CNTNAP5: variants seen among roughly 807,000 people sequenced by gnomAD.
CNTNAP5 encodes the protein contactin associated protein family member 5.
A neutral mutation model predicts 150.2 loss-of-function variants in CNTNAP5; 72 were observed. That is an observed-to-expected ratio of 0.48 (90% CI 0.40 to 0.58). CNTNAP5 has a LOEUF of 0.58. Ranked by LOEUF, CNTNAP5 falls within the 20% of genes least tolerant of loss-of-function variation. The pLI is 0.00. For synonymous variants in CNTNAP5, 672 were observed against 619.8 expected, an observed-to-expected ratio of 1.08 and a Z score of -1.25; for missense variants, 1,636 against 1,626.2, an observed-to-expected ratio of 1.01 and a Z score of -0.10.
At chr2:124,383,100 C>T (rs1035318839) in intron 3 of CNTNAP5, among the ~76,000 whole-genome samples, 1 of 152,152 alleles carries the variant, frequency 6.6e-6, no homozygotes, top group Admixed American at 6.5e-5. Flanking sequence ...CCCCACATTC[C>T]TGTGCCAAGA....
chr2:124,377,150 T>C (rs1420404934), intron 3 of CNTNAP5, among the ~76,000 whole-genome samples: 1 of 152,144 alleles, frequency 6.6e-6, no homozygotes, highest in Non-Finnish European at 1.5e-5. Flanking sequence ...TGGATGAGAA[T>C]GCAGTAGACA....
At chr2:124,323,057 T>C (rs541077350) in intron 3 of CNTNAP5, among the ~76,000 whole-genome samples, 1 of 152,240 alleles carries the variant, frequency 6.6e-6, no homozygotes, top group East Asian at 1.9e-4. Context: ...AACTCCGAGA[T>C]TAAGGCACCA....
chr2:124,771,859 G>A (rs945092653), intron 16 of CNTNAP5, among the ~76,000 whole-genome samples: 1 of 150,436 alleles, frequency 6.6e-6, no homozygotes, highest in African/African-American at 2.5e-5. Flanking sequence ...CACTGCCAGT[G>A]CCATCACTAC....
chr2:124,362,673 C>A (rs1364152292), intron 3 of CNTNAP5, among the ~76,000 whole-genome samples: 2 of 152,126 alleles, frequency 1.3e-5, no homozygotes, highest in Non-Finnish European at 2.9e-5. Context: ...TCTCCCTGTA[C>A]CTTTCTGTCA....
Position 124,916,005 on chromosome 2 carries a change from G to A in CNTNAP5, c.*1717G>A, listed in dbSNP as rs1258410052. 6.6e-6 allele frequency among the ~76,000 whole-genome samples: 1 copy of A among 152,072 alleles called. No individual in the cohort carries two copies. Among genetic ancestry groups the A allele is most frequent in the African/African-American group, 2.4e-5 (1 of 41,436 alleles). On this transcript the variant is annotated 3_prime_UTR_variant, in exon 24 of 24. Coordinates refer to ENST00000682447, the MANE Select transcript of CNTNAP5 (RefSeq NM_001367498.1). ...TGACAGTTAGCAGACATTCCAACTT[G>A]TGCTTAGGGTACACTGTCTCTCGCC...
At chr2:124,100,090 C>A (rs1486006885) in intron 1 of CNTNAP5, among the ~76,000 whole-genome samples, 1 of 152,146 alleles carries the variant, frequency 6.6e-6, no homozygotes, top group Non-Finnish European at 1.5e-5. Context: ...CGTTATGCAG[C>A]TTCTGCTTTT....
At chr2:124,045,664 C>T (rs1264198178) in intron 1 of CNTNAP5, among the ~76,000 whole-genome samples, 1 of 152,144 alleles carries the variant, frequency 6.6e-6, no homozygotes, top group Non-Finnish European at 1.5e-5. Context: ...TCTTAACACC[C>T]TCCGATTTTA....
intron 3 of CNTNAP5, among the ~76,000 whole-genome samples, chr2:124,278,982 T>A (rs1367524069): frequency 6.6e-6 from 1 of 152,188 alleles, no homozygotes; most frequent in Non-Finnish European, 1.5e-5. Flanking sequence ...GTTCGATATT[T>A]ACTGAACACT....
At chr2:124,219,274 G>T (rs1001831998) in intron 1 of CNTNAP5, among the ~76,000 whole-genome samples, 2 of 151,914 alleles carry the variant, frequency 1.3e-5, no homozygotes, top group Non-Finnish European at 2.9e-5. Flanking sequence ...GGAGAAGTAG[G>T]GTTAGGAGTA....
chr2:124,281,771 A>T (rs913854578), intron 3 of CNTNAP5, among the ~76,000 whole-genome samples: 1 of 152,122 alleles, frequency 6.6e-6, no homozygotes, highest in Non-Finnish European at 1.5e-5. Flanking sequence ...CTGACCGACT[A>T]CGGAAGCCGG....
At chr2:124,687,558 G>A (rs72845894) in intron 13 of CNTNAP5, among the ~76,000 whole-genome samples, 3,244 of 151,808 alleles carry the variant, frequency 0.021, 45 homozygotes, top group Middle Eastern at 0.037. Context: ...TTGAGTGCTT[G>A]GAGAATATTG....
intron 12 of CNTNAP5, among the ~76,000 whole-genome samples, chr2:124,616,796 C>G (rs1677501462): frequency 6.6e-6 from 1 of 152,014 alleles, no homozygotes; most frequent in South Asian, 2.1e-4. Context: ...TGATATTGTT[C>G]CATCTCAGGG....
At chr2:124,321,197 T>G (rs1689090481) in intron 3 of CNTNAP5, among the ~76,000 whole-genome samples, 1 of 152,070 alleles carries the variant, frequency 6.6e-6, no homozygotes, top group Admixed American at 6.5e-5. Flanking sequence ...ATCCCAGCAC[T>G]TTGAGAGGCC....
chr2:124,257,710 T>C (rs780931780), intron 3 of CNTNAP5, among the ~76,000 whole-genome samples: 7 of 152,086 alleles, frequency 4.6e-5, no homozygotes, highest in African/African-American at 9.7e-5. Context: ...CTAGATTTGG[T>C]TATAATCCAC....
chr2:124,713,353 T>C (rs1217366141), intron 13 of CNTNAP5, among the ~76,000 whole-genome samples: 3 of 137,990 alleles, frequency 2.2e-5, no homozygotes, highest in Non-Finnish European at 4.7e-5. Flanking sequence ...CTTTCTTTCT[T>C]TCTTTCTTTC....
chr2:124,651,614 C>T (rs922047372), intron 13 of CNTNAP5, among the ~76,000 whole-genome samples: 1 of 152,168 alleles, frequency 6.6e-6, no homozygotes, highest in African/African-American at 2.4e-5. Flanking sequence ...GAAGTCAGAG[C>T]AAAAGTGCTA....
chr2:124,067,411 C>T (rs1682187878), intron 1 of CNTNAP5, among the ~76,000 whole-genome samples: 4 of 152,150 alleles, frequency 2.6e-5, no homozygotes, highest in Admixed American at 2.6e-4. Context: ...GTGGCTGCAT[C>T]ACCCCAATCC....
chr2:124,106,832 A>G (rs1231325532), intron 1 of CNTNAP5, among the ~76,000 whole-genome samples: 2 of 152,102 alleles, frequency 1.3e-5, no homozygotes, highest in Non-Finnish European at 2.9e-5. Flanking sequence ...GAGCCATCGT[A>G]TGGGACTGAG....
intron 13 of CNTNAP5, among the ~76,000 whole-genome samples, chr2:124,743,032 A>T (rs1455830920): frequency 6.6e-6 from 1 of 152,048 alleles, no homozygotes; most frequent in African/African-American, 2.4e-5. Context: ...CCGCGGAGAG[A>T]TATATATGTC....
Sources: gnomAD v4.1 joint callset for allele counts (sites outside exome capture counted in the v4.1 genomes callset) on GRCh38, gnomAD v4.1.1 for gene constraint, MANE v1.5 for transcripts, NCBI Gene and HGNC (gene_info 2026-07-23, HGNC 2026-07-21) for gene names.